The following CALN1 variants were observed in gnomAD, a reference collection of about 807,000 sequenced individuals.
CALN1 encodes the protein calcium-binding protein 8.
A neutral mutation model predicts 30.6 loss-of-function variants in CALN1; 17 were observed. The observed-to-expected ratio is 0.56, with a 90% CI of 0.38 to 0.83. The LOEUF is 0.83. Ranked by LOEUF, CALN1 falls within the 40% of genes least tolerant of loss-of-function variation. The pLI is 0.00. For synonymous variants in CALN1, 156 were observed against 131.4 expected, an observed-to-expected ratio of 1.19 and a Z score of -1.28; for missense variants, 291 against 354.9, an observed-to-expected ratio of 0.82 and a Z score of 1.45.
chr7:72,363,551 G>A (rs573240909), intron 2 of CALN1, among the ~76,000 whole-genome samples: 69 of 150,014 alleles, frequency 4.6e-4, no homozygotes, highest in African/African-American at 1.6e-3. Context: ...ATTTTAAAAA[G>A]ACAAATGCAC....
At chr7:72,355,463 T>C (rs1803169268) in intron 2 of CALN1, among the ~76,000 whole-genome samples, 1 of 152,054 alleles carries the variant, frequency 6.6e-6, no homozygotes, top group Admixed American at 6.6e-5. Flanking sequence ...GAGACAGAGG[T>C]GGCAGTGAGC....
chr7:72,176,892 A>T (rs1242844521), intron 3 of CALN1, among the ~76,000 whole-genome samples: 1 of 152,108 alleles, frequency 6.6e-6, no homozygotes, highest in Non-Finnish European at 1.5e-5. Flanking sequence ...ACTTACACTG[A>T]AGATGGATGA....
intron 3 of CALN1, among the ~76,000 whole-genome samples, chr7:72,172,335 C>T (rs2129545525): frequency 6.6e-6 from 1 of 152,338 alleles, no homozygotes; most frequent in Non-Finnish European, 1.5e-5. Flanking sequence ...TTCTCAGTCA[C>T]ATTCAGACCA....
intron 2 of CALN1, among the ~76,000 whole-genome samples, chr7:72,349,089 G>A (rs2129559177): frequency 6.6e-6 from 1 of 152,216 alleles, no homozygotes; most frequent in African/African-American, 2.4e-5. Context: ...CTATTTGAGG[G>A]CTTAACATAA....
Position 71,781,952 on chromosome 7 carries a change from G to A in CALN1, c.*5823C>T, listed in dbSNP as rs946454335. On this transcript the variant is annotated 3_prime_UTR_variant, in exon 7 of 7. Coordinates refer to ENST00000395275, the MANE Select transcript of CALN1 (RefSeq NM_031468.4). ...ACGGAATAAAATTAATTTTGCCTTG[G>A]AGACGTTTTGAACAGTATTGTCATG... The A allele has an allele frequency of 6.6e-6, 1 of 152,184 alleles. No homozygotes were observed. The highest frequency in any genetic ancestry group is 1.5e-5 in the Non-Finnish European group (1 of 68,054). 9.4% of individuals were successfully genotyped at this position (152,184 alleles called of 1,614,324 possible). A position where few individuals can be genotyped will look rare whatever the true frequency, so the allele number is the denominator to read the frequency against.
chr7:72,048,497 G>A (rs1240299267), intron 4 of CALN1, among the ~76,000 whole-genome samples: 2 of 152,176 alleles, frequency 1.3e-5, no homozygotes, highest in Non-Finnish European at 2.9e-5. Context: ...AGAAGCCATT[G>A]TGTAATGGAA....
At chr7:72,399,975 C>T (rs555336611) in intron 2 of CALN1, among the ~76,000 whole-genome samples, 1 of 152,300 alleles carries the variant, frequency 6.6e-6, no homozygotes, top group South Asian at 2.1e-4. Flanking sequence ...GACATGCCTG[C>T]TCCCCCTTTG....
At chr7:71,957,812 C>A (rs1270613582) in intron 5 of CALN1, among the ~76,000 whole-genome samples, 1 of 152,094 alleles carries the variant, frequency 6.6e-6, no homozygotes, top group Admixed American at 6.6e-5. Context: ...CACTTCTAAT[C>A]CCAGCACTTT....
chr7:72,101,531 G>C (rs1008547913), intron 4 of CALN1, among the ~76,000 whole-genome samples: 3 of 152,144 alleles, frequency 2.0e-5, no homozygotes, highest in African/African-American at 7.2e-5. Context: ...AACAAGCTGA[G>C]AACCGCTCAC....
chr7:72,411,829 T>A (rs1436651347), intron 1 of CALN1, among the ~76,000 whole-genome samples: 2 of 152,224 alleles, frequency 1.3e-5, no homozygotes, highest in Non-Finnish European at 2.9e-5. Flanking sequence ...CAAACAATTG[T>A]CCTGCTTTTT....
intron 4 of CALN1, among the ~76,000 whole-genome samples, chr7:72,030,266 G>A (rs1801351242): frequency 6.6e-6 from 1 of 152,138 alleles, no homozygotes; most frequent in Non-Finnish European, 1.5e-5. Flanking sequence ...CAGGCCCATG[G>A]TTGGAGGAAC....
intron 2 of CALN1, among the ~76,000 whole-genome samples, chr7:72,283,354 G>C (rs1026584776): frequency 6.6e-6 from 1 of 152,074 alleles, no homozygotes; most frequent in Admixed American, 6.6e-5. Flanking sequence ...GCAAGACCCT[G>C]TCTCTTCACA....
intron 4 of CALN1, among the ~76,000 whole-genome samples, chr7:72,088,739 A>AGGAAG (rs1253920094): frequency 6.7e-6 from 1 of 149,174 alleles, no homozygotes; most frequent in African/African-American, 2.5e-5. Context: ...AGAAGAAGGA[A>AGGAAG]GGAAGGGAAG....
At chr7:71,902,883 G>T (rs1793936000) in intron 5 of CALN1, among the ~76,000 whole-genome samples, 1 of 151,914 alleles carries the variant, frequency 6.6e-6, no homozygotes, top group East Asian at 1.9e-4. Flanking sequence ...AACTCAGAAA[G>T]TCAAATACTA....
intron 5 of CALN1, among the ~76,000 whole-genome samples, chr7:71,952,123 T>C (rs1194859217): frequency 6.6e-6 from 1 of 152,204 alleles, no homozygotes. Flanking sequence ...ATGAAGAGTC[T>C]GCCCAGCAGC....
chr7:72,001,048 T>C (rs1016522436), intron 5 of CALN1, among the ~76,000 whole-genome samples: 3 of 152,170 alleles, frequency 2.0e-5, no homozygotes, highest in Non-Finnish European at 4.4e-5. Context: ...CTCAATAAGA[T>C]CTCAGGAGTT....
chr7:72,382,119 A>G (rs1804939351), intron 2 of CALN1, among the ~76,000 whole-genome samples: 1 of 152,190 alleles, frequency 6.6e-6, no homozygotes, highest in Non-Finnish European at 1.5e-5. Context: ...CCTTGGATGG[A>G]CCCTAAGAGG....
chr7:72,375,195 C>G (rs1324582291), intron 2 of CALN1, among the ~76,000 whole-genome samples: 1 of 152,116 alleles, frequency 6.6e-6, no homozygotes, highest in African/African-American at 2.4e-5. Context: ...CCAGCTGGCT[C>G]TTTTCTCACG....
intron 5 of CALN1, among the ~76,000 whole-genome samples, chr7:71,852,052 A>C (rs1293417641): frequency 6.6e-6 from 1 of 152,168 alleles, no homozygotes; most frequent in East Asian, 1.9e-4. Flanking sequence ...AGAAGGCAGA[A>C]TCCTCAGAGC....
Sources: gnomAD v4.1 joint callset for allele counts (sites outside exome capture counted in the v4.1 genomes callset) on GRCh38, gnomAD v4.1.1 for gene constraint, MANE v1.5 for transcripts, NCBI Gene and HGNC (gene_info 2026-07-23, HGNC 2026-07-21) for gene names.